Variants in SV2C observed in about 807,000 individuals in gnomAD.
SV2C encodes solute carrier family 22 member B3.
Under a neutral mutation model 79.7 loss-of-function variants are expected in SV2C, and 49 were observed. The ratio of observed to expected loss-of-function variants is 0.61; its 90% confidence interval spans 0.49 to 0.78. SV2C has a LOEUF of 0.78. Among genes scored for constraint, SV2C ranks in the 30% least tolerant of loss-of-function variants. SV2C has a pLI of 0.00. For missense variants in SV2C, 833 were observed against 912.9 expected (o/e 0.91, Z 1.13); for synonymous variants, 334 against 333.2 (o/e 1.00, Z -0.03).
intron 4 of SV2C, among the ~76,000 whole-genome samples, chr5:76,282,524 G>C (rs1196848541): frequency 6.6e-6 from 1 of 152,226 alleles, no homozygotes; most frequent in Non-Finnish European, 1.5e-5. Flanking sequence ...ACCTGTTTTT[G>C]TGATTGTCTA....
the SV2C span, chr5:75,910,870 T>C: frequency 7.5e-6 from 8 of 1,068,532 alleles, no homozygotes; most frequent in East Asian, 9.5e-5. Flanking sequence ...GCAATCTCTA[T>C]GAGATGATGA....
rs575149303 is a variant in SV2C, at chr5:76,175,093, C to T, written c.581-19826C>T. Among the ~76,000 whole-genome samples the T allele has an allele frequency of 1.7e-4, 26 of 152,206 alleles. No homozygotes were observed. In the South Asian group the frequency reaches 5.2e-3, roughly 30 times the overall value. On this transcript the variant is annotated intron_variant, in intron 2 of 12. Coordinates refer to ENST00000502798, the MANE Select transcript of SV2C (RefSeq NM_014979.4). ...GGAGAGGGGGCATGGTGAGAGATAC[C>T]AGAAAAAACACTACACGGAAAAGAG... is the stretch of plus-strand genomic sequence containing the variant.
At chr5:76,036,895 A>T in the SV2C span, among the ~76,000 whole-genome samples, 1 of 152,156 alleles carries the variant, frequency 6.6e-6, no homozygotes, top group Non-Finnish European at 1.5e-5. Flanking sequence ...TCAGACGTAG[A>T]TTTGGTCTTT....
chr5:76,285,760 C>T (rs758516694), intron 5 of SV2C, 21 bp from the exon 6 acceptor site: 2 of 1,607,520 alleles, frequency 1.2e-6, no homozygotes, highest in South Asian at 2.2e-5. Flanking sequence ...TAGCGCTTCA[C>T]TGTCCACTCT....
At chr5:76,150,534 T>C (rs1363645476) in intron 2 of SV2C, among the ~76,000 whole-genome samples, 1 of 152,074 alleles carries the variant, frequency 6.6e-6, no homozygotes, top group Non-Finnish European at 1.5e-5. Flanking sequence ...TGGAGATGTC[T>C]TTGTGGAATA....
intron 2 of SV2C, among the ~76,000 whole-genome samples, chr5:76,151,699 G>GGA (rs1212700761): frequency 6.6e-6 from 1 of 152,160 alleles, no homozygotes; most frequent in East Asian, 1.9e-4. Context: ...CGGGGAGGTG[G>GGA]GAGAGCCCAC....
At chr5:76,144,276 GAAGC>G (rs1749351185) in intron 2 of SV2C, among the ~76,000 whole-genome samples, 1 of 51,066 alleles carries the variant, frequency 2.0e-5, no homozygotes, top group Non-Finnish European at 8.9e-5. Flanking sequence ...TGGAAACAGT[GAAGC>G]TGACAGCTGA....
the SV2C span, among the ~76,000 whole-genome samples, chr5:75,885,166 A>G: frequency 6.6e-6 from 1 of 152,022 alleles, no homozygotes; most frequent in African/African-American, 2.4e-5. Context: ...TACTCCCCCT[A>G]TTGTCACCCT....
At chr5:75,923,099 C>T in the SV2C span, among the ~76,000 whole-genome samples, 1 of 152,180 alleles carries the variant, frequency 6.6e-6, no homozygotes, top group Non-Finnish European at 1.5e-5. Context: ...AATAGATGAC[C>T]TAGAAATAAA....
the SV2C span, among the ~76,000 whole-genome samples, chr5:75,970,171 G>A: frequency 6.6e-6 from 1 of 151,882 alleles, no homozygotes; most frequent in Non-Finnish European, 1.5e-5. Context: ...CACATTCAAA[G>A]CAGTGTGTAG....
chr5:75,944,114 C>G, the SV2C span, among the ~76,000 whole-genome samples: 5 of 152,088 alleles, frequency 3.3e-5, no homozygotes, highest in Admixed American at 1.3e-4. Flanking sequence ...AAATCCTGGG[C>G]TCAAGAAATC....
intron 1 of SV2C, among the ~76,000 whole-genome samples, chr5:76,131,097 G>A (rs1042796027): frequency 2.0e-5 from 3 of 152,130 alleles, no homozygotes; most frequent in African/African-American, 7.2e-5. Context: ...GTTACCATTT[G>A]TTGGAAGGAA....
In SV2C at chr5:76,148,537, C is replaced by T. The variant is rs545016524; in HGVS notation, c.580+16207C>T. On this transcript the variant is annotated intron_variant, in intron 2 of 12. Coordinates refer to ENST00000502798, the MANE Select transcript of SV2C (RefSeq NM_014979.4). ...CAGTCGCTGCTCACTGTAGCCTCAACCTCCTGGGCTCAAGTAATTCTCCCA... is the reference window on the plus strand; with the variant it reads ...CAGTCGCTGCTCACTGTAGCCTCAATCTCCTGGGCTCAAGTAATTCTCCCA... Among the ~76,000 whole-genome samples, 30 of 152,252 alleles carry T rather than the reference C, an allele frequency of 2.0e-4. 1 individual carries two copies. Among genetic ancestry groups the T allele is most frequent in the African/African-American group, 7.2e-4 (30 of 41,540 alleles).
At chr5:75,895,749 T>A in the SV2C span, among the ~76,000 whole-genome samples, 3 of 152,086 alleles carry the variant, frequency 2.0e-5, no homozygotes, top group African/African-American at 7.2e-5. Context: ...TCAAGGGTGA[T>A]GTGAGAGTAG....
At chr5:76,346,587 T>C (rs558225620) in intron 12 of SV2C, among the ~76,000 whole-genome samples, 5 of 152,338 alleles carry the variant, frequency 3.3e-5, no homozygotes, top group African/African-American at 1.2e-4. Flanking sequence ...CGGTCAGTAC[T>C]TTATGTTATT....
the SV2C span, among the ~76,000 whole-genome samples, chr5:75,886,421 A>G: frequency 6.6e-6 from 1 of 152,116 alleles, no homozygotes; most frequent in Middle Eastern, 3.2e-3. Flanking sequence ...TCCTCTTCAG[A>G]GTCTGTTTCT....
chr5:75,980,017 G>A, the SV2C span, among the ~76,000 whole-genome samples: 3 of 152,104 alleles, frequency 2.0e-5, no homozygotes, highest in Non-Finnish European at 2.9e-5. Context: ...AAATAAACAC[G>A]ATCAATATGA....
chr5:76,310,502 T>C lies in SV2C; in HGVS notation c.2000+8957T>C, dbSNP rs116313579. Among the ~76,000 whole-genome samples, 800 of 152,264 alleles carry C rather than the reference T, an allele frequency of 5.3e-3. 4 individuals are homozygous for C. Among genetic ancestry groups the C allele is most frequent in the Middle Eastern group, 0.037 (11 of 294 alleles). On this transcript the variant is annotated intron_variant, in intron 12 of 12. Coordinates refer to ENST00000502798, the MANE Select transcript of SV2C (RefSeq NM_014979.4). The stretch of plus-strand genomic sequence containing the variant: ...GACCAAGGTAGAGGGTAAGAAGCCA[T>C]GGGGTCAGAGTGGACAATAAAAGGG...
chr5:75,964,375 G>T, the SV2C span, among the ~76,000 whole-genome samples: 4 of 152,130 alleles, frequency 2.6e-5, no homozygotes, highest in African/African-American at 9.7e-5. Flanking sequence ...TCCTTCTCAA[G>T]TATTTCTTTT....
Sources: allele counts gnomAD v4.1 joint callset (sites outside exome capture counted in the v4.1 genomes callset), GRCh38; gene constraint gnomAD v4.1.1; transcripts MANE v1.5; gene names NCBI Gene and HGNC (gene_info 2026-07-23, HGNC 2026-07-21).